Variants in LAPTM5 observed in about 807,000 individuals in gnomAD.
LAPTM5 encodes the protein lysosomal protein transmembrane 5, also known as lysosomal-associated transmembrane protein 5.
LAPTM5 carries 11 observed loss-of-function variants against 30.1 expected under a neutral mutation model. That is an observed-to-expected ratio of 0.37 (90% CI 0.23 to 0.60). The LOEUF is 0.60. Among genes scored for constraint, LAPTM5 ranks in the 20% least tolerant of loss-of-function variants. The probability of loss-of-function intolerance (pLI) is 0.71; values close to 1 mark genes in which losing one functional copy is unlikely to be tolerated. For missense variants in LAPTM5, 324 were observed against 332.5 expected, an observed-to-expected ratio of 0.97 and a Z score of 0.20; for synonymous variants, 151 against 137.9, an observed-to-expected ratio of 1.10 and a Z score of -0.67.
At chr1:30,747,542 C>G (rs1394914564) in intron 1 of LAPTM5, among the ~76,000 whole-genome samples, 2 of 152,164 alleles carry the variant, frequency 1.3e-5, no homozygotes, top group Admixed American at 6.5e-5. Context: ...GTTCTTATTC[C>G]CGTCTGCACG....
rs1334227648 is a variant in LAPTM5 at position 30,739,591 on chromosome 1, C to T, written c.387+218G>A. On this transcript the variant is annotated intron_variant, in intron 4 of 7. Coordinates refer to ENST00000294507, the MANE Select transcript of LAPTM5 (RefSeq NM_006762.3). This position sits in a 1 kb window ranked among gnomAD's most constrained non-coding sequence, Gnocchi z 4.2. ...ATGTGTGTGTTCCTCATGTAACCCT[C>T]ATAAGGCAGGCTGATGAGATGTGAT... is the stretch of plus-strand genomic sequence containing the variant. Among the ~76,000 whole-genome samples the T allele has an allele frequency of 6.6e-6, 1 of 152,238 alleles. No homozygotes were observed. The highest frequency in any genetic ancestry group is 1.9e-4 in the East Asian group (1 of 5,200).
chr1:30,749,345 G>A (rs193294653), intron 1 of LAPTM5, among the ~76,000 whole-genome samples: 4 of 152,292 alleles, frequency 2.6e-5, no homozygotes, highest in Non-Finnish European at 4.4e-5. Flanking sequence ...GGGCAGTGGC[G>A]AGGCGGGGGC....
intron 1 of LAPTM5, among the ~76,000 whole-genome samples, chr1:30,755,426 C>T (rs755548836): frequency 3.3e-5 from 5 of 152,082 alleles, no homozygotes; most frequent in Non-Finnish European, 5.9e-5. Context: ...ATCACCTCCT[C>T]CCCAAACTCC....
chr1:30,755,708 C>T (rs907833146), intron 1 of LAPTM5, among the ~76,000 whole-genome samples: 1 of 152,234 alleles, frequency 6.6e-6, no homozygotes, highest in Admixed American at 6.5e-5. Context: ...GCAGGGCAGC[C>T]TCTGGGCCCA....
chr1:30,739,159 T>A lies in LAPTM5; in HGVS notation c.388-97A>T. 6.9e-7 allele frequency: 1 copy of A among 1,441,164 alleles called. No homozygotes were observed. Among genetic ancestry groups the A allele is most frequent in the East Asian group, 2.6e-5 (1 of 39,036 alleles). 89.3% of individuals were successfully genotyped at this position (1,441,164 alleles called of 1,614,324 possible). On this transcript the variant is annotated intron_variant, in intron 4 of 7. Coordinates refer to ENST00000294507, the MANE Select transcript of LAPTM5 (RefSeq NM_006762.3). The surrounding 1 kb of genome is among the most constrained non-coding windows in gnomAD (Gnocchi z 4.2). ...GTAGGCCCTCACTTGAGAGACCGTC[T>A]CAGCTACAGACATCAGTGACTCTCG...
rs1038860097 is a variant in LAPTM5, at chr1:30,733,538, T to C, written c.*290A>G. ...AGTTGCTTGACAAACTCACCAACTT[T>C]AGAATGGCCAATCGTCTAAACAAGT... On this transcript the variant is annotated 3_prime_UTR_variant, in exon 8 of 8. Coordinates refer to ENST00000294507, the MANE Select transcript of LAPTM5 (RefSeq NM_006762.3). 2 of 1,466,074 alleles carry C rather than the reference T, an allele frequency of 1.4e-6. No individual in the cohort carries two copies. The highest frequency in any genetic ancestry group is 1.4e-5 in the African/African-American group (1 of 71,486). The allele number at this position is 1,466,074 out of a possible 1,614,324, so 90.8% of individuals were successfully genotyped here.
chr1:30,755,047 G>A (rs1200531011), intron 1 of LAPTM5, among the ~76,000 whole-genome samples: 1 of 152,186 alleles, frequency 6.6e-6, no homozygotes, highest in African/African-American at 2.4e-5. Context: ...CGGGGTGCAG[G>A]AAGATAACCC....
intron 7 of LAPTM5, among the ~76,000 whole-genome samples, chr1:30,734,884 A>G (rs148669049): frequency 6.6e-6 from 1 of 152,314 alleles, no homozygotes; most frequent in East Asian, 1.9e-4. Context: ...AATTGTATCT[A>G]TGTGTCTGAA....
intron 1 of LAPTM5, among the ~76,000 whole-genome samples, chr1:30,752,009 C>T (rs1640145410): frequency 6.6e-6 from 1 of 152,146 alleles, no homozygotes; most frequent in African/African-American, 2.4e-5. Flanking sequence ...AGAAAAGAGC[C>T]CCAGGAGTTC....
intron 5 of LAPTM5, among the ~76,000 whole-genome samples, chr1:30,738,093 A>G (rs1291535944): frequency 6.6e-6 from 1 of 152,154 alleles, no homozygotes; most frequent in Non-Finnish European, 1.5e-5. Flanking sequence ...CTTGAAACCA[A>G]TGACTGATGC....
intron 1 of LAPTM5, among the ~76,000 whole-genome samples, chr1:30,753,621 C>T (rs977577780): frequency 1.3e-5 from 2 of 151,980 alleles, no homozygotes; most frequent in African/African-American, 4.8e-5. Context: ...TTATCAAAAA[C>T]AAGAAAAATC....
intron 5 of LAPTM5, 100 bp from the exon 6 acceptor site, chr1:30,737,799 C>T (rs548586906): frequency 1.1e-5 from 8 of 760,946 alleles, no homozygotes; most frequent in South Asian, 3.3e-5. Context: ...CACACACACA[C>T]GAGCACAGCG....
Position 30,733,167 on chromosome 1 carries a change from AG to A in LAPTM5, c.*660del. 6.4e-6 allele frequency: 1 copy of A among 156,814 alleles called. No homozygotes were observed. 9.7% of individuals were successfully genotyped at this position (156,814 alleles called of 1,614,324 possible). ...GCCACTCAGAGGTCCTACATTCGCCAGAGTTGGCATCCAGTTGATGGGTTCA... is the reference window on the plus strand; with the variant it reads ...GCCACTCAGAGGTCCTACATTCGCCAAGTTGGCATCCAGTTGATGGGTTCA... On this transcript the variant is annotated 3_prime_UTR_variant, in exon 8 of 8. Coordinates refer to ENST00000294507, the MANE Select transcript of LAPTM5 (RefSeq NM_006762.3).
In LAPTM5 at chr1:30,738,695, G is replaced by T. The variant is rs150173448; in HGVS notation, c.510+245C>A. Among the ~76,000 whole-genome samples the T allele has an allele frequency of 8.3e-4, 127 of 152,306 alleles. 1 individual carries two copies. Among genetic ancestry groups the T allele is most frequent in the African/African-American group, 2.8e-3 (118 of 41,570 alleles). Reference sequence around the variant, plus strand: ...AAAGCCCTCTCTGGGATCATGCAGGGCTGCTCCTACAGCCACATCTTTGCT... The same window carrying T: ...AAAGCCCTCTCTGGGATCATGCAGGTCTGCTCCTACAGCCACATCTTTGCT... On this transcript the variant is annotated intron_variant, in intron 5 of 7. Transcript: ENST00000294507.
At chr1:30,740,706 T>C (rs1639957997) in intron 3 of LAPTM5, among the ~76,000 whole-genome samples, 1 of 152,134 alleles carries the variant, frequency 6.6e-6, no homozygotes, top group African/African-American at 2.4e-5. Flanking sequence ...CATTTCTCCA[T>C]TTCTCTAGCT....
intron 7 of LAPTM5, 83 bp from the exon 8 acceptor site, chr1:30,734,000 C>A (rs1639853376): frequency 2.1e-6 from 3 of 1,403,472 alleles, no homozygotes; most frequent in African/African-American, 2.9e-5. Flanking sequence ...CCCAAACCCC[C>A]ACCTCTGGCA....
In LAPTM5 at chr1:30,733,510, G is replaced by A. The variant is rs79297199; in HGVS notation, c.*318C>T. 189 of 1,418,510 alleles carry A rather than the reference G, an allele frequency of 1.3e-4. No individual in the cohort carries two copies. In the East Asian group the frequency reaches 5.8e-3, roughly 43 times the overall value. The allele number at this position is 1,418,510 out of a possible 1,614,324, so 87.9% of individuals were successfully genotyped here. A position where few individuals can be genotyped will look rare whatever the true frequency, so the allele number is the denominator to read the frequency against. ...GTTGCTTGGCTGAACTGATCAAGTC[G>A]ATAGTTGCTTGACAAACTCACCAAC... On this transcript the variant is annotated 3_prime_UTR_variant, in exon 8 of 8. Coordinates refer to ENST00000294507, the MANE Select transcript of LAPTM5 (RefSeq NM_006762.3).
chr1:30,751,042 C>A (rs916000941), intron 1 of LAPTM5, among the ~76,000 whole-genome samples: 2 of 152,266 alleles, frequency 1.3e-5, no homozygotes, highest in African/African-American at 4.8e-5. Context: ...TGGTTCCAGG[C>A]TGATGCTCTA....
intron 2 of LAPTM5, 185 bp downstream of exon 2, chr1:30,742,271 G>A (rs1639981800): frequency 3.3e-6 from 2 of 597,854 alleles, no homozygotes; most frequent in Non-Finnish European, 6.0e-6. Context: ...TGTGGGTGGG[G>A]TCAGGTGGAA....
Sources: gnomAD v4.1 joint callset for allele counts (sites outside exome capture counted in the v4.1 genomes callset) on GRCh38, gnomAD v4.1.1 for gene constraint, Gnocchi (gnomAD v3.1) non-coding constraint, MANE v1.5 for transcripts, NCBI Gene and HGNC (gene_info 2026-07-23, HGNC 2026-07-21) for gene names.